The following PPP1R8 variants were observed in gnomAD, a reference collection of about 807,000 sequenced individuals.
PPP1R8 encodes the protein nuclear inhibitor of protein phosphatase 1.
Under a neutral mutation model 31.3 loss-of-function variants are expected in PPP1R8, and 4 were observed. That is an observed-to-expected ratio of 0.13 (90% CI 0.06 to 0.29). The LOEUF is 0.29. PPP1R8 is among the 10% of genes least tolerant of loss of function. The pLI, the probability that PPP1R8 is intolerant of heterozygous loss-of-function variation, is 1.00. For missense variants in PPP1R8, 254 were observed against 440.1 expected (o/e 0.58, Z 3.78); for synonymous variants, 170 against 169.7 (o/e 1.00, Z -0.01).
At chr1:27,849,997 T>G in intron 6 of PPP1R8, 96 bp from the exon 7 acceptor site, 1 of 1,216,446 alleles carries the variant, frequency 8.2e-7, no homozygotes, top group Non-Finnish European at 1.1e-6. Context: ...CAAAAGCCAT[T>G]TTTTTAAGGC....
At chr1:27,841,652 A>G (rs2089224035) in intron 4 of PPP1R8, among the ~76,000 whole-genome samples, 1 of 152,226 alleles carries the variant, frequency 6.6e-6, no homozygotes, top group Non-Finnish European at 1.5e-5. Context: ...CAAAGAGAGA[A>G]TGTTTTCATC....
chr1:27,832,654 T>C (rs2089122008), intron 1 of PPP1R8, 102 bp from the exon 2 acceptor site: 4 of 924,166 alleles, frequency 4.3e-6, no homozygotes, highest in African/African-American at 1.7e-5. Context: ...CATGAACTAA[T>C]TATAGGCTGG....
intron 2 of PPP1R8, 95 bp from the exon 3 acceptor site, chr1:27,838,604 G>T: frequency 1.3e-6 from 1 of 785,968 alleles, no homozygotes; most frequent in African/African-American, 1.8e-5. Flanking sequence ...TAATGGAAAG[G>T]AATTTTATCT....
chr1:27,849,740 G>T (rs953156643), intron 6 of PPP1R8, among the ~76,000 whole-genome samples: 2 of 152,108 alleles, frequency 1.3e-5, no homozygotes, highest in Admixed American at 6.6e-5. Context: ...CCTCCTAAAA[G>T]GGCATTTTAA....
At chr1:27,849,830 C>T (rs1040818683) in intron 6 of PPP1R8, among the ~76,000 whole-genome samples, 5 of 152,132 alleles carry the variant, frequency 3.3e-5, no homozygotes, top group African/African-American at 1.2e-4. Context: ...CTCACAACAC[C>T]ATCCTTGGCT....
chr1:27,835,076 G>A (rs2089150106), intron 2 of PPP1R8, among the ~76,000 whole-genome samples: 1 of 152,042 alleles, frequency 6.6e-6, no homozygotes, highest in South Asian at 2.1e-4. Context: ...AATACTGAAT[G>A]TGTACATTTA....
Position 27,830,841 on chromosome 1 carries a change from G to A in PPP1R8, c.6G>A (p.Ala2=). The A allele has an allele frequency of 1.3e-6, 2 of 1,576,412 alleles. No individual in the cohort carries two copies. Among genetic ancestry groups the A allele is most frequent in the Middle Eastern group, 1.7e-4 (1 of 5,926 alleles). Residue 2 remains alanine, a synonymous_variant, in exon 1 of 7, where the codon GCG becomes GCA. Transcript: ENST00000311772. M[A]AAANSGSSLP... is the part of the protein sequence containing the mutation. ...ATGGGAGGGGGAGACGCAAGATGGC[G>A]GCAGCCGCGAACTCCGGCTCTAGCC... is the stretch of plus-strand genomic sequence containing the variant.
At chr1:27,848,006 A>G (rs1275001132) in intron 6 of PPP1R8, among the ~76,000 whole-genome samples, 5 of 152,190 alleles carry the variant, frequency 3.3e-5, no homozygotes, top group Non-Finnish European at 7.3e-5. Flanking sequence ...TATTAGGTGG[A>G]GGAGATGCAT....
Position 27,841,250 on chromosome 1 carries a change from T to C in PPP1R8, c.492+16T>C, listed in dbSNP as rs1399457326. Reference sequence around the variant, plus strand: ...TGAGCTTGATGTAATTCCCTGTTTATGTCATTGTTTTGTCTTTGGGGACCC... The same window carrying C: ...TGAGCTTGATGTAATTCCCTGTTTACGTCATTGTTTTGTCTTTGGGGACCC... On this transcript the variant is annotated intron_variant, in intron 4 of 6. Transcript: ENST00000311772. 1.9e-6 allele frequency: 3 copies of C among 1,612,738 alleles called. No homozygotes were observed. Among genetic ancestry groups the C allele is most frequent in the African/African-American group, 1.3e-5 (1 of 74,872 alleles).
At chr1:27,835,978 C>T (rs1181506450) in intron 2 of PPP1R8, among the ~76,000 whole-genome samples, 2 of 152,178 alleles carry the variant, frequency 1.3e-5, no homozygotes, top group Non-Finnish European at 2.9e-5. Flanking sequence ...GTAATCAGTG[C>T]TGAAATTGTG....
intron 3 of PPP1R8, among the ~76,000 whole-genome samples, chr1:27,839,199 G>A (rs1197319908): frequency 1.3e-5 from 2 of 152,016 alleles, no homozygotes; most frequent in African/African-American, 2.4e-5. Context: ...CTCCAGTCCG[G>A]GTGACAGAAC....
chr1:27,839,996 G>A (rs745816387), intron 3 of PPP1R8, among the ~76,000 whole-genome samples: 107 of 152,090 alleles, frequency 7.0e-4, no homozygotes, highest in Non-Finnish European at 1.2e-3. Flanking sequence ...GGAGGTGGAG[G>A]TTGCAGCGAG....
intron 3 of PPP1R8, among the ~76,000 whole-genome samples, chr1:27,839,328 G>T (rs2089200244): frequency 6.6e-6 from 1 of 152,218 alleles, no homozygotes; most frequent in African/African-American, 2.4e-5. Context: ...AGGAGTTTGA[G>T]ACCAGCCTGG....
rs1374661898 is a variant in PPP1R8, at chr1:27,833,637, C to T, written c.117+821C>T. 2.0e-5 allele frequency among the ~76,000 whole-genome samples: 3 copies of T among 152,140 alleles called. No individual in the cohort carries two copies. The East Asian group carries it at 5.8e-4, about 29-fold the overall frequency. On this transcript the variant is annotated intron_variant, in intron 2 of 6. Transcript: ENST00000311772. ...CCACTATGACCATGTAGCTGTGAGT[C>T]TCCCATATTAGACCAATTTTATATT...
At chr1:27,845,647 A>C (rs2089270550) in intron 5 of PPP1R8, among the ~76,000 whole-genome samples, 1 of 152,020 alleles carries the variant, frequency 6.6e-6, no homozygotes, top group Admixed American at 6.6e-5. Flanking sequence ...TCCTCTTTAA[A>C]GGCATGGATC....
At chr1:27,837,172 C>G (rs2089174977) in intron 2 of PPP1R8, among the ~76,000 whole-genome samples, 1 of 152,116 alleles carries the variant, frequency 6.6e-6, no homozygotes, top group Non-Finnish European at 1.5e-5. Context: ...TGGCTCACCC[C>G]TGTAATCCCA....
At chr1:27,832,710 T>G in intron 1 of PPP1R8, 46 bp from the exon 2 acceptor site, 1 of 1,528,586 alleles carries the variant, frequency 6.5e-7, no homozygotes, top group Non-Finnish European at 9.0e-7. Context: ...TAAATAGCAT[T>G]TATAAACCCA....
In PPP1R8 at chr1:27,842,260, T is replaced by C. The variant is rs895565901; in HGVS notation, c.493-926T>C. On this transcript the variant is annotated intron_variant, in intron 4 of 6. Transcript: ENST00000311772. The stretch of plus-strand genomic sequence containing the variant: ...AGGAGGCTGAGGCAGGAGAGTCACT[T>C]GCACCTGGGAGGTGGAGGTTGTGGT... 4.0e-5 allele frequency among the ~76,000 whole-genome samples: 6 copies of C among 150,900 alleles called. No homozygotes were observed. The Admixed American group carries it at 4.0e-4, about 10-fold the overall frequency.
chr1:27,832,363 A>G (rs951361181), intron 1 of PPP1R8, among the ~76,000 whole-genome samples: 1 of 152,172 alleles, frequency 6.6e-6, no homozygotes, highest in Non-Finnish European at 1.5e-5. Flanking sequence ...ATGAGCCCCA[A>G]ACAGCAACTA....
Sources: gnomAD v4.1 joint callset for allele counts (sites outside exome capture counted in the v4.1 genomes callset) on GRCh38, gnomAD v4.1.1 for gene constraint, MANE v1.5 for transcripts, NCBI Gene and HGNC (gene_info 2026-07-23, HGNC 2026-07-21) for gene names.